The following WDPCP variants were observed in gnomAD, a reference collection of about 807,000 sequenced individuals.
WDPCP encodes the protein WD repeat containing planar cell polarity effector.
Under a neutral mutation model 93.1 loss-of-function variants are expected in WDPCP, and 71 were observed. That is an observed-to-expected ratio of 0.76 (90% CI 0.63 to 0.93). The LOEUF is 0.93. Among genes scored for constraint, WDPCP ranks in the 40% least tolerant of loss-of-function variants. The pLI is 0.00. For synonymous variants in WDPCP, 315 were observed against 315.0 expected, an observed-to-expected ratio of 1.00 and a Z score of 0.00; for missense variants, 844 against 887.4, an observed-to-expected ratio of 0.95 and a Z score of 0.62.
chr2:63,694,685 G>C (rs1042493834), intron 2 of WDPCP, among the ~76,000 whole-genome samples: 4 of 152,068 alleles, frequency 2.6e-5, no homozygotes, highest in African/African-American at 9.7e-5. Context: ...TCATCTTTAA[G>C]AGTAGGAAGC....
upstream of WDPCP, chr2:63,590,056 G>C (rs1233042690): frequency 6.6e-6 from 1 of 152,524 alleles, no homozygotes; most frequent in Non-Finnish European, 1.5e-5. Context: ...CTGTCTAACG[G>C]GGCCAGTGGA....
chr2:63,700,576 A>AT (rs1669033271), intron 2 of WDPCP, among the ~76,000 whole-genome samples: 1 of 152,000 alleles, frequency 6.6e-6, no homozygotes, highest in Non-Finnish European at 1.5e-5. Flanking sequence ...TCCTTTACTG[A>AT]TTTTTTTCTA....
Position 63,156,288 on chromosome 2 carries a change from C to A in WDPCP, c.2079-2714G>T, listed in dbSNP as rs146825947. Among the ~76,000 whole-genome samples, 124 of 152,010 alleles carry A rather than the reference C, an allele frequency of 8.2e-4. 3 individuals are homozygous for A. The East Asian group carries it at 0.022, about 27-fold the overall frequency. The stretch of plus-strand genomic sequence containing the variant: ...AAAGTGTTGGGATTACAAGCATGAG[C>A]CACCATGCCAGGCCCATTTATTTTA... On this transcript the variant is annotated intron_variant, in intron 15 of 17. Transcript: ENST00000272321.
chr2:63,442,967 C>T (rs1257511123), intron 6 of WDPCP: 1 of 152,054 alleles, frequency 6.6e-6, no homozygotes, highest in Non-Finnish European at 1.5e-5. Flanking sequence ...GAGCCAAAAG[C>T]ATGCATACAC....
chr2:63,408,798 C>A (rs1694799697), intron 9 of WDPCP, among the ~76,000 whole-genome samples: 1 of 152,050 alleles, frequency 6.6e-6, no homozygotes, highest in Non-Finnish European at 1.5e-5. Flanking sequence ...CCCTGACAAC[C>A]TGCATGACTC....
At chr2:63,755,869 T>C (rs1231309816) in intron 2 of WDPCP, among the ~76,000 whole-genome samples, 4 of 152,220 alleles carry the variant, frequency 2.6e-5, no homozygotes. Flanking sequence ...AGGTGCAAAA[T>C]ATTCTATCCC....
intron 17 of WDPCP, among the ~76,000 whole-genome samples, chr2:63,152,546 A>G (rs1671957593): frequency 6.6e-6 from 1 of 152,210 alleles, no homozygotes; most frequent in Non-Finnish European, 1.5e-5. Context: ...TGCTGGGATT[A>G]CAGGCATGAG....
At chr2:63,536,129 C>T (rs1244263178) in intron 1 of WDPCP, among the ~76,000 whole-genome samples, 4 of 152,140 alleles carry the variant, frequency 2.6e-5, no homozygotes, top group Admixed American at 1.3e-4. Flanking sequence ...TCATCACTGG[C>T]CATCAGAGAA....
At chr2:63,615,725 A>G (rs760313826) in intron 3 of WDPCP, among the ~76,000 whole-genome samples, 1 of 152,138 alleles carries the variant, frequency 6.6e-6, no homozygotes, top group Non-Finnish European at 1.5e-5. Context: ...AAGACCAAGA[A>G]CTTCAGGTGC....
chr2:63,447,710 G>T (rs897480982), intron 6 of WDPCP, among the ~76,000 whole-genome samples: 3 of 152,066 alleles, frequency 2.0e-5, no homozygotes, highest in South Asian at 4.2e-4. Flanking sequence ...ACAAATTATG[G>T]ATTACTATGT....
intron 1 of WDPCP, among the ~76,000 whole-genome samples, chr2:63,822,126 CCT>C (rs747180807): frequency 8.6e-5 from 13 of 151,090 alleles, no homozygotes; most frequent in South Asian, 2.1e-4. Flanking sequence ...AAAATTATTC[CCT>C]GTTTTTTATC....
intron 8 of WDPCP, 145 bp downstream of exon 8, chr2:63,437,276 C>T (rs1369591363): frequency 4.3e-6 from 3 of 699,148 alleles, no homozygotes; most frequent in Admixed American, 3.6e-5. Context: ...CCACTGTTTA[C>T]AGTTAATTAA....
chr2:63,718,604 T>C (rs1558893353), intron 2 of WDPCP, among the ~76,000 whole-genome samples: 1 of 152,210 alleles, frequency 6.6e-6, no homozygotes. Flanking sequence ...GGGGTTGTTT[T>C]TTTCCTTGTT....
intron 14 of WDPCP, among the ~76,000 whole-genome samples, chr2:63,258,340 C>T (rs572503579): frequency 6.6e-6 from 1 of 152,224 alleles, no homozygotes; most frequent in East Asian, 1.9e-4. Context: ...CTTGCTAGTA[C>T]CTGTCAGCCC....
intron 6 of WDPCP, among the ~76,000 whole-genome samples, chr2:63,450,808 C>A (rs1698191494): frequency 6.6e-6 from 1 of 152,132 alleles, no homozygotes; most frequent in African/African-American, 2.4e-5. Flanking sequence ...CCAAAACACC[C>A]CATCCAACCA....
intron 2 of WDPCP, among the ~76,000 whole-genome samples, chr2:63,763,193 C>T (rs935611538): frequency 1.4e-4 from 22 of 152,064 alleles, no homozygotes; most frequent in African/African-American, 5.3e-4. Flanking sequence ...GACTGACACA[C>T]AGAAAGTACA....
At chr2:63,613,279 G>T (rs1000328708) in intron 3 of WDPCP, among the ~76,000 whole-genome samples, 3 of 152,224 alleles carry the variant, frequency 2.0e-5, no homozygotes, top group African/African-American at 7.2e-5. Flanking sequence ...GGATTCAAAT[G>T]CATGTGATTT....
At chr2:63,347,762 A>T (rs200543778) in intron 12 of WDPCP, among the ~76,000 whole-genome samples, 1 of 123,538 alleles carries the variant, frequency 8.1e-6, no homozygotes, top group African/African-American at 3.2e-5. Flanking sequence ...TATTCATCTG[A>T]GCTTTATTGA....
intron 15 of WDPCP, among the ~76,000 whole-genome samples, chr2:63,166,420 T>A (rs890253964): frequency 1.3e-5 from 2 of 149,542 alleles, no homozygotes; most frequent in Non-Finnish European, 3.0e-5. Flanking sequence ...GTACATGAAA[T>A]TTTTGAGACA....
Sources: gnomAD v4.1 joint callset for allele counts (sites outside exome capture counted in the v4.1 genomes callset) on GRCh38, gnomAD v4.1.1 for gene constraint, MANE v1.5 for transcripts, NCBI Gene and HGNC (gene_info 2026-07-23, HGNC 2026-07-21) for gene names.